Variants in TTC7B observed in about 807,000 individuals in gnomAD.
TTC7B encodes the protein tetratricopeptide repeat domain 7B, also known as tetratricopeptide repeat protein 7B.
Under a neutral mutation model 106.8 loss-of-function variants are expected in TTC7B, and 28 were observed. That is an observed-to-expected ratio of 0.26 (90% confidence interval 0.19 to 0.36). The LOEUF (loss-of-function observed/expected upper bound fraction) is 0.36. Ranked by LOEUF, TTC7B falls within the 10% of genes least tolerant of loss-of-function variation. The probability of loss-of-function intolerance (pLI) is 1.00; values close to 1 mark genes in which losing one functional copy is unlikely to be tolerated. For missense variants in TTC7B, 862 were observed against 1,076.4 expected, an observed-to-expected ratio of 0.80 and a Z score of 2.79; for synonymous variants, 405 against 430.6, an observed-to-expected ratio of 0.94 and a Z score of 0.74.
intron 17 of TTC7B, among the ~76,000 whole-genome samples, chr14:90,599,554 C>A (rs1892345795): frequency 6.6e-6 from 1 of 152,230 alleles, no homozygotes; most frequent in Non-Finnish European, 1.5e-5. Context: ...CTGGAGAACC[C>A]ACTCCATGCC....
chr14:90,631,570 G>T (rs901816180), intron 15 of TTC7B, among the ~76,000 whole-genome samples: 2 of 151,406 alleles, frequency 1.3e-5, no homozygotes, highest in Non-Finnish European at 2.9e-5. Context: ...TACCACACCC[G>T]GCTAATTTTT....
intron 3 of TTC7B, among the ~76,000 whole-genome samples, chr14:90,749,465 G>A (rs1163950244): frequency 2.0e-5 from 3 of 148,894 alleles, no homozygotes; most frequent in African/African-American, 7.4e-5. Flanking sequence ...AAGTGCAATG[G>A]CGCAATCTCA....
intron 2 of TTC7B, among the ~76,000 whole-genome samples, chr14:90,785,009 G>A (rs1321553420): frequency 6.6e-6 from 1 of 152,144 alleles, no homozygotes; most frequent in Non-Finnish European, 1.5e-5. Context: ...CCAAGGAGGT[G>A]GCCAGATGAC....
chr14:90,806,532 CTCAG>C (rs2030621659), intron 1 of TTC7B, among the ~76,000 whole-genome samples: 1 of 152,248 alleles, frequency 6.6e-6, no homozygotes, highest in Non-Finnish European at 1.5e-5. Flanking sequence ...AGACTCCTGA[CTCAG>C]TCAGGCTGCT....
At chr14:90,609,717 G>A (rs192294500) in intron 17 of TTC7B, among the ~76,000 whole-genome samples, 1 of 152,164 alleles carries the variant, frequency 6.6e-6, no homozygotes, top group Non-Finnish European at 1.5e-5. Context: ...GAAGGAACAG[G>A]AGCAGGTTCC....
rs1435271136 is a variant in TTC7B at position 90,600,566 on chromosome 14, A to G, written c.1967-6940T>C. Among the ~76,000 whole-genome samples, 1 of 152,238 alleles carries G rather than the reference A, an allele frequency of 6.6e-6. No individual in the cohort carries two copies. The highest frequency in any genetic ancestry group is 1.9e-4 in the East Asian group (1 of 5,194). On this transcript the variant is annotated intron_variant, in intron 17 of 19. Transcript: ENST00000328459. The surrounding 1 kb of genome is among the most constrained non-coding windows in gnomAD (Gnocchi z 4.3). ...GGATCAGTTTCCCACTGACTTTAAC[A>G]TAATATCAAGCACCGTTTAAACCTG...
At chr14:90,758,189 G>A (rs373027057) in intron 3 of TTC7B, among the ~76,000 whole-genome samples, 1 of 151,348 alleles carries the variant, frequency 6.6e-6, no homozygotes, top group African/African-American at 2.4e-5. Context: ...GTTGAATCGC[G>A]GAATCAACCC....
At position 90,759,186 on chromosome 14, in the gene TTC7B, C is replaced by G. The variant is rs1002334130; in HGVS notation, c.446-14264G>C. On this transcript the variant is annotated intron_variant, in intron 3 of 19. Coordinates refer to ENST00000328459, the MANE Select transcript of TTC7B (RefSeq NM_001010854.2). This position sits in a 1 kb window ranked among gnomAD's most constrained non-coding sequence, Gnocchi z 4.1. ...GCCACGCTCTGAGCCGCACATGACT[C>G]TCTCCTTCTCCACAGAACAATCTGT... Among the ~76,000 whole-genome samples the G allele has an allele frequency of 1.3e-5, 2 of 152,154 alleles. No homozygotes were observed. The highest frequency in any genetic ancestry group is 2.1e-4 in the South Asian group (1 of 4,828).
In TTC7B at chr14:90,610,607, C is replaced by T. The variant is rs74081236; in HGVS notation, c.1966+135G>A. On this transcript the variant is annotated intron_variant, in intron 17 of 19. Transcript: ENST00000328459. ...AGAAAGACACTGGAGCAATGCACCT[C>T]GGTTGAGTGTTTAAACTATTTGTGC... 1.2e-3 allele frequency: 783 copies of T among 675,514 alleles called. 4 individuals carry two copies. In the African/African-American group the frequency reaches 0.013, roughly 11 times the overall value. 41.8% of individuals were successfully genotyped at this position (675,514 alleles called of 1,614,324 possible).
intron 18 of TTC7B, among the ~76,000 whole-genome samples, chr14:90,588,088 CCCTGTACAGTG>C (rs1891795082): frequency 6.6e-6 from 1 of 152,150 alleles, no homozygotes; most frequent in Admixed American, 6.5e-5. Flanking sequence ...CACAGGCGCT[CCCTGTACAGTG>C]ACTGCACACA....
At chr14:90,694,916 A>G (rs1882373223) in intron 6 of TTC7B, among the ~76,000 whole-genome samples, 2 of 34,304 alleles carry the variant, frequency 5.8e-5, no homozygotes, top group African/African-American at 9.4e-5. Flanking sequence ...ACATATATTT[A>G]TTATAAATAT....
intron 15 of TTC7B, among the ~76,000 whole-genome samples, chr14:90,630,070 C>T (rs555467785): frequency 2.0e-5 from 3 of 152,306 alleles, no homozygotes; most frequent in African/African-American, 7.2e-5. Flanking sequence ...TGTCTCCAAC[C>T]CCGGAGAAAG....
intron 3 of TTC7B, among the ~76,000 whole-genome samples, chr14:90,770,653 CAAAA>C (rs1376952647): frequency 9.5e-6 from 1 of 105,136 alleles, no homozygotes. Flanking sequence ...AACTCCATCT[CAAAA>C]AAAAAAAAAA....
rs1209072801 is a variant in TTC7B at position 90,695,225 on chromosome 14, TTTA to T, written c.777+272_777+274del. On this transcript the variant is annotated intron_variant, in intron 6 of 19. Transcript: ENST00000328459. ...TAAAACATGTATATTTTATATACAT[TTTA>T]TTATAAAACATGTATATTTTATATA... is the stretch of plus-strand genomic sequence containing the variant. 3.0e-5 allele frequency among the ~76,000 whole-genome samples: 4 copies of T among 132,736 alleles called. 1 individual carries two copies. The highest frequency in any genetic ancestry group is 5.7e-5 in the African/African-American group (2 of 34,956). The allele number at this position is 132,736 out of a possible 152,430, so 87.1% of individuals were successfully genotyped here.
At chr14:90,764,388 A>T (rs1347730639) in intron 3 of TTC7B, among the ~76,000 whole-genome samples, 2 of 152,282 alleles carry the variant, frequency 1.3e-5, no homozygotes, top group African/African-American at 4.8e-5. Context: ...AAATCTTCAT[A>T]AACTTGACTA....
rs534098768 is a variant in TTC7B, at chr14:90,696,632, C to T, written c.699-1054G>A. ...CAAGCACTCATGAGGGCTATTAATT[C>T]GCATCTTATACCTACATGACATCCC... is the stretch of plus-strand genomic sequence containing the variant. On this transcript the variant is annotated intron_variant, in intron 5 of 19. Transcript: ENST00000328459. 1.1e-4 allele frequency among the ~76,000 whole-genome samples: 17 copies of T among 152,256 alleles called. No individual in the cohort carries two copies. In the South Asian group the frequency reaches 2.9e-3, roughly 26 times the overall value.
At chr14:90,547,790 A>G (rs1047693240) in intron 19 of TTC7B, among the ~76,000 whole-genome samples, 3 of 152,122 alleles carry the variant, frequency 2.0e-5, no homozygotes, top group Non-Finnish European at 2.9e-5. Context: ...GAGATAAAAA[A>G]AAAAAGCTCT....
intron 17 of TTC7B, 129 bp from the exon 18 acceptor site, chr14:90,593,755 C>T: frequency 1.0e-6 from 1 of 982,576 alleles, no homozygotes; most frequent in Non-Finnish European, 1.4e-6. Context: ...GATTTACTGT[C>T]CACAGAGAAA....
chr14:90,577,487 C>T lies in TTC7B; in HGVS notation c.2310+619G>A, dbSNP rs1453910025. ...CAGCAGGGCAACCCCAGGCTTTTGGCCCAGGCTGTAGACGAAGGATGTGCA... is the reference window on the plus strand; with the variant it reads ...CAGCAGGGCAACCCCAGGCTTTTGGTCCAGGCTGTAGACGAAGGATGTGCA... On this transcript the variant is annotated intron_variant, in intron 19 of 19. Transcript: ENST00000328459. The surrounding 1 kb of genome is among the most constrained non-coding windows in gnomAD (Gnocchi z 5.0). 2.0e-5 allele frequency among the ~76,000 whole-genome samples: 3 copies of T among 152,200 alleles called. No homozygotes were observed. The highest frequency in any genetic ancestry group is 1.3e-4 in the Admixed American group (2 of 15,280).
Sources: gnomAD v4.1 joint callset for allele counts (sites outside exome capture counted in the v4.1 genomes callset) on GRCh38, gnomAD v4.1.1 for gene constraint, Gnocchi (gnomAD v3.1) non-coding constraint, MANE v1.5 for transcripts, NCBI Gene and HGNC (gene_info 2026-07-23, HGNC 2026-07-21) for gene names.